The following PDE3B variants were observed in gnomAD, a reference collection of about 807,000 sequenced individuals.
PDE3B encodes the protein cGMP-inhibited 3',5'-cyclic phosphodiesterase 3B.
In PDE3B, 66 loss-of-function variants were observed where a neutral mutation model predicts 116.8. The observed-to-expected ratio is 0.56, with a 90% CI of 0.46 to 0.69. The LOEUF (loss-of-function observed/expected upper bound fraction) is 0.69, where lower values mean the gene tolerates loss of function less well. Ranked by LOEUF, PDE3B falls within the 30% of genes least tolerant of loss-of-function variation. The probability of loss-of-function intolerance (pLI) is 0.00; values close to 1 mark genes in which losing one functional copy is unlikely to be tolerated. For missense variants in PDE3B, 1,384 were observed against 1,368.1 expected (o/e 1.01, Z -0.18); for synonymous variants, 595 against 533.6 (o/e 1.12, Z -1.59).
intron 5 of PDE3B, among the ~76,000 whole-genome samples, chr11:14,809,622 G>A (rs376594205): frequency 6.6e-6 from 1 of 152,178 alleles, no homozygotes; most frequent in South Asian, 2.1e-4. Context: ...TCCCCAATGA[G>A]ACAGTATTAA....
At chr11:14,731,121 T>TAGACAAAA (rs1353153417) in intron 1 of PDE3B, among the ~76,000 whole-genome samples, 1 of 152,194 alleles carries the variant, frequency 6.6e-6, no homozygotes, top group Non-Finnish European at 1.5e-5. Context: ...GTAATCATGT[T>TAGACAAAA]AGATCAGTTT....
intron 1 of PDE3B, among the ~76,000 whole-genome samples, chr11:14,708,928 CTAAA>C (rs1855615386): frequency 6.6e-6 from 1 of 151,830 alleles, no homozygotes; most frequent in Non-Finnish European, 1.5e-5. Flanking sequence ...AAAATTATGT[CTAAA>C]TAAAATACTA....
chr11:14,725,309 C>CTTTCTTTCTTTCTT (rs1393019002), intron 1 of PDE3B, among the ~76,000 whole-genome samples: 4 of 147,418 alleles, frequency 2.7e-5, no homozygotes, highest in African/African-American at 1.0e-4. Context: ...TTCTTTCTTT[C>CTTTCTTTCTTTCTT]TCTTTCTTTC....
At chr11:14,678,468 A>G (rs910173714) in intron 1 of PDE3B, among the ~76,000 whole-genome samples, 1 of 152,116 alleles carries the variant, frequency 6.6e-6, no homozygotes, top group Non-Finnish European at 1.5e-5. Context: ...CAGTGTATGA[A>G]AATTCTAGTA....
chr11:14,758,090 G>A (rs1163385282), intron 1 of PDE3B, among the ~76,000 whole-genome samples: 1 of 151,900 alleles, frequency 6.6e-6, no homozygotes, highest in South Asian at 2.1e-4. Context: ...TTTTTGTCAG[G>A]TTTGTCAAAG....
intron 1 of PDE3B, among the ~76,000 whole-genome samples, chr11:14,671,031 A>G (rs952935296): frequency 3.9e-5 from 6 of 152,126 alleles, no homozygotes; most frequent in Non-Finnish European, 2.9e-5. Flanking sequence ...TATTGAGCAC[A>G]TACAAATGTG....
the PDE3B span, among the ~76,000 whole-genome samples, chr11:14,898,789 C>CT: frequency 6.6e-6 from 1 of 151,986 alleles, no homozygotes; most frequent in Admixed American, 6.6e-5. Context: ...GATTGGATAT[C>CT]TAATACCATT....
Position 14,721,965 on chromosome 11 carries a change from T to C in PDE3B, c.979-49972T>C, listed in dbSNP as rs1194945617. 4.8e-5 allele frequency among the ~76,000 whole-genome samples: 7 copies of C among 145,670 alleles called. No individual in the cohort carries two copies. The East Asian group carries it at 1.4e-3, about 30-fold the overall frequency. ...AAGAAAATGTGGCACATATACACCA[T>C]GGAATACTGTGCAGCCGTAAAAAAT... On this transcript the variant is annotated intron_variant, in intron 1 of 15. Coordinates refer to ENST00000282096, the MANE Select transcript of PDE3B (RefSeq NM_000922.4).
intron 1 of PDE3B, among the ~76,000 whole-genome samples, chr11:14,760,063 TGTTAAAGTTATAGATTTTGTA>T (rs879594056): frequency 2.6e-4 from 39 of 152,182 alleles, no homozygotes; most frequent in Non-Finnish European, 4.1e-4. Flanking sequence ...ATAATATTGT[TGTTAAAGTTATAGATTTTGTA>T]GTTAGAGAAA....
intron 1 of PDE3B, among the ~76,000 whole-genome samples, chr11:14,664,287 A>T (rs969872214): frequency 2.0e-5 from 3 of 152,344 alleles, no homozygotes; most frequent in African/African-American, 7.2e-5. Flanking sequence ...GGAAATTTAT[A>T]GCAGTAAATG....
intron 1 of PDE3B, among the ~76,000 whole-genome samples, chr11:14,691,841 T>C (rs1289067912): frequency 6.6e-6 from 1 of 152,228 alleles, no homozygotes; most frequent in African/African-American, 2.4e-5. Context: ...GACACTTATA[T>C]GTTGCTTTTT....
intron 1 of PDE3B, among the ~76,000 whole-genome samples, chr11:14,662,031 C>T (rs1038748512): frequency 4.7e-4 from 72 of 152,286 alleles, no homozygotes; most frequent in African/African-American, 2.6e-4. Flanking sequence ...CCCTGACCCC[C>T]GAGCAGCCTA....
At chr11:14,812,934 G>C (rs1324846438) in intron 5 of PDE3B, among the ~76,000 whole-genome samples, 2 of 152,124 alleles carry the variant, frequency 1.3e-5, no homozygotes, top group African/African-American at 2.4e-5. Context: ...GACTCTTCAT[G>C]AATGGGATGA....
At chr11:14,711,245 G>T (rs1333114404) in intron 1 of PDE3B, among the ~76,000 whole-genome samples, 16 of 152,154 alleles carry the variant, frequency 1.1e-4, no homozygotes, top group Admixed American at 1.0e-3. Context: ...AATTACATTT[G>T]CAGTTATTTG....
intron 7 of PDE3B, among the ~76,000 whole-genome samples, chr11:14,830,083 G>A (rs928213218): frequency 3.3e-5 from 5 of 151,982 alleles, no homozygotes; most frequent in African/African-American, 1.2e-4. Flanking sequence ...GTGATCAATT[G>A]TGTAAATATA....
chr11:14,699,993 T>C (rs1855318693), intron 1 of PDE3B, among the ~76,000 whole-genome samples: 1 of 151,774 alleles, frequency 6.6e-6, no homozygotes, highest in South Asian at 2.1e-4. Context: ...CTTTTGTTAA[T>C]TATATATGGC....
intron 1 of PDE3B, among the ~76,000 whole-genome samples, chr11:14,749,561 T>C (rs932037930): frequency 6.6e-6 from 1 of 152,064 alleles, no homozygotes; most frequent in Non-Finnish European, 1.5e-5. Context: ...AATCATAAAA[T>C]ATTTGAGGAC....
intron 1 of PDE3B, among the ~76,000 whole-genome samples, chr11:14,660,102 C>T (rs368764275): frequency 1.3e-5 from 2 of 152,028 alleles, no homozygotes; most frequent in Non-Finnish European, 2.9e-5. Context: ...TAAAATCCTC[C>T]GAAATTAATT....
intron 1 of PDE3B, among the ~76,000 whole-genome samples, chr11:14,680,179 C>A (rs1404741925): frequency 6.6e-6 from 1 of 152,158 alleles, no homozygotes; most frequent in Non-Finnish European, 1.5e-5. Context: ...GAAGGGAACA[C>A]CCTTGGCAGA....
Sources: allele counts gnomAD v4.1 joint callset (sites outside exome capture counted in the v4.1 genomes callset), GRCh38; gene constraint gnomAD v4.1.1; transcripts MANE v1.5; gene names NCBI Gene and HGNC (gene_info 2026-07-23, HGNC 2026-07-21).